DSTN: variants seen among roughly 807,000 people sequenced by gnomAD.
DSTN encodes destrin.
DSTN carries 10 observed loss-of-function variants against 16.8 expected under a neutral mutation model. The observed-to-expected ratio is 0.60, with a 90% CI of 0.37 to 1.01. The LOEUF is 1.01. Ranked by LOEUF, DSTN falls within the 50% of genes least tolerant of loss-of-function variation. DSTN has a pLI of 0.01. For synonymous variants in DSTN, 57 were observed against 58.9 expected (o/e 0.97, Z 0.14); for missense variants, 141 against 196.7 (o/e 0.72, Z 1.69).
intron 1 of DSTN, 42 bp from the exon 2 acceptor site, chr20:17,600,693 CAAT>C (rs1568739620): frequency 1.3e-6 from 2 of 1,499,778 alleles, no homozygotes; most frequent in Admixed American, 4.7e-5. Flanking sequence ...ATGTTTGGCA[CAAT>C]AAAAATTGTA....
intron 1 of DSTN, among the ~76,000 whole-genome samples, chr20:17,586,801 G>A (rs1392267409): frequency 2.0e-5 from 3 of 152,174 alleles, no homozygotes; most frequent in Non-Finnish European, 2.9e-5. Context: ...GGCCTTATGT[G>A]TGTTGTTTTA....
At chr20:17,577,672 CTT>C (rs2035294352) in intron 1 of DSTN, among the ~76,000 whole-genome samples, 1 of 151,918 alleles carries the variant, frequency 6.6e-6, no homozygotes, top group African/African-American at 2.4e-5. Flanking sequence ...ATACTTTTAA[CTT>C]TTCTAGTAAT....
chr20:17,601,144 G>A, intron 2 of DSTN, 99 bp downstream of exon 2: 1 of 1,380,448 alleles, frequency 7.2e-7, no homozygotes, highest in South Asian at 1.6e-5. Flanking sequence ...CAAACTATTT[G>A]CAGTTGTTGT....
intron 1 of DSTN, among the ~76,000 whole-genome samples, chr20:17,588,770 C>T (rs571138758): frequency 5.3e-5 from 8 of 152,050 alleles, no homozygotes; most frequent in Admixed American, 2.0e-4. Context: ...GGCAACAGAG[C>T]GAGACTCTGT....
intron 1 of DSTN, among the ~76,000 whole-genome samples, chr20:17,583,256 G>A (rs565120569): frequency 2.0e-5 from 3 of 152,316 alleles, no homozygotes; most frequent in South Asian, 2.1e-4. Flanking sequence ...GTAAAATGGC[G>A]CAGTAATTTT....
intron 1 of DSTN, among the ~76,000 whole-genome samples, chr20:17,574,870 GTTTTTTTTTTT>G (rs533880691): frequency 1.2e-5 from 1 of 81,158 alleles, no homozygotes; most frequent in Non-Finnish European, 2.2e-5. Context: ...CTTTTCTTTT[GTTTTTTTTTTT>G]TTTTTTTTTT....
intron 1 of DSTN, among the ~76,000 whole-genome samples, chr20:17,571,234 T>G (rs924882592): frequency 2.6e-5 from 4 of 152,268 alleles, no homozygotes; most frequent in African/African-American, 9.6e-5. Context: ...GGTCAGTGAT[T>G]TGCAGGCGTA....
intron 1 of DSTN, among the ~76,000 whole-genome samples, chr20:17,575,049 A>G (rs1390433207): frequency 6.6e-6 from 1 of 151,716 alleles, no homozygotes; most frequent in Non-Finnish European, 1.5e-5. Context: ...TGTAGAAATG[A>G]GATTTTGCTA....
chr20:17,607,253 T>G lies in DSTN; in HGVS notation c.*107T>G. On this transcript the variant is annotated 3_prime_UTR_variant, in exon 4 of 4. Coordinates refer to ENST00000246069, the MANE Select transcript of DSTN (RefSeq NM_006870.4). ...AGGGTCTCACTGAGGGGGAGCTGTC[T>G]TGTCATCTTTTAGAGTAAACTATTC... The G allele has an allele frequency of 1.1e-6, 1 of 910,926 alleles. No homozygotes were observed. The highest frequency in any genetic ancestry group is 1.6e-6 in the Non-Finnish European group (1 of 615,872). The allele number at this position is 910,926 out of a possible 1,614,324, so 56.4% of individuals were successfully genotyped here. A position where few individuals can be genotyped will look rare whatever the true frequency, so the allele number is the denominator to read the frequency against.
At chr20:17,602,223 A>G (rs1369261970) in intron 2 of DSTN, among the ~76,000 whole-genome samples, 2 of 152,244 alleles carry the variant, frequency 1.3e-5, no homozygotes, top group African/African-American at 4.8e-5. Context: ...CTTAGAGTCC[A>G]TTGAAGCTGG....
At position 17,583,735 on chromosome 20, in the gene DSTN, C is replaced by CTTTTTTTTTTTTTTTTTT. The variant is rs71192397; in HGVS notation, c.3+13530_3+13547dup. On this transcript the variant is annotated intron_variant, in intron 1 of 3. Coordinates refer to ENST00000246069, the MANE Select transcript of DSTN (RefSeq NM_006870.4). ...ATGACTGCTAATGGGTTTGGAGTTT[C>CTTTTTTTTTTTTTTTTTT]TTTTTTTTTTTTTTTTTTTTTTTGA... 8.6e-4 allele frequency among the ~76,000 whole-genome samples: 62 copies of CTTTTTTTTTTTTTTTTTT among 72,492 alleles called. 17 individuals carry two copies. Among genetic ancestry groups the CTTTTTTTTTTTTTTTTTT allele is most frequent in the East Asian group, 2.9e-3 (6 of 2,058 alleles). The allele number at this position is 72,492 out of a possible 152,430, so 47.6% of individuals were successfully genotyped here.
At chr20:17,591,273 A>G (rs1402871477) in intron 1 of DSTN, among the ~76,000 whole-genome samples, 1 of 152,136 alleles carries the variant, frequency 6.6e-6, no homozygotes, top group Non-Finnish European at 1.5e-5. Flanking sequence ...TGTGATAACA[A>G]ATCATCCAAA....
chr20:17,571,965 A>G (rs2035212150), intron 1 of DSTN, among the ~76,000 whole-genome samples: 1 of 152,204 alleles, frequency 6.6e-6, no homozygotes, highest in Non-Finnish European at 1.5e-5. Context: ...TTCAGATTAT[A>G]GACCCCCCAT....
intron 1 of DSTN, among the ~76,000 whole-genome samples, chr20:17,586,565 G>C (rs1376606564): frequency 6.6e-6 from 1 of 152,208 alleles, no homozygotes; most frequent in Admixed American, 6.5e-5. Context: ...AAGAAGAGAT[G>C]CACATTAAAT....
chr20:17,606,925 T>C, intron 3 of DSTN, 112 bp from the exon 4 acceptor site: 1 of 921,388 alleles, frequency 1.1e-6, no homozygotes, highest in South Asian at 1.6e-5. Flanking sequence ...CGTGTTTGTA[T>C]ATACCCCAGT....
intron 1 of DSTN, among the ~76,000 whole-genome samples, chr20:17,571,200 T>G (rs1439514216): frequency 1.3e-5 from 2 of 152,254 alleles, no homozygotes; most frequent in Admixed American, 1.3e-4. Flanking sequence ...TTTTCGTTAG[T>G]GTGCACACAC....
chr20:17,573,925 T>C (rs1590240), intron 1 of DSTN, among the ~76,000 whole-genome samples: 151,482 of 151,648 alleles, frequency 1, 75,658 homozygotes, highest in Non-Finnish European at 1. Context: ...ATCAGCTGGA[T>C]ACAGTGGCCT....
chr20:17,590,879 G>A (rs1322366648), intron 1 of DSTN, among the ~76,000 whole-genome samples: 1 of 152,222 alleles, frequency 6.6e-6, no homozygotes, highest in Non-Finnish European at 1.5e-5. Context: ...AGCTGAGGCA[G>A]GAGGATCACT....
rs185909250 is a variant in DSTN at position 17,603,593 on chromosome 20, G to T, written c.312-962G>T. Among the ~76,000 whole-genome samples, 49 of 152,352 alleles carry T rather than the reference G, an allele frequency of 3.2e-4. 1 individual carries two copies. The highest frequency in any genetic ancestry group is 1.1e-3 in the African/African-American group (47 of 41,580). On this transcript the variant is annotated intron_variant, in intron 2 of 3. Coordinates refer to ENST00000246069, the MANE Select transcript of DSTN (RefSeq NM_006870.4). Reference sequence around the variant, plus strand: ...GGAAAGAAGGACCTCCGTGCAAGCAGTCTGAGTGGGAGGGTTTCTGTCCGT... The same window carrying T: ...GGAAAGAAGGACCTCCGTGCAAGCATTCTGAGTGGGAGGGTTTCTGTCCGT...
Sources: allele counts gnomAD v4.1 joint callset (sites outside exome capture counted in the v4.1 genomes callset), GRCh38; gene constraint gnomAD v4.1.1; transcripts MANE v1.5; gene names NCBI Gene and HGNC (gene_info 2026-07-23, HGNC 2026-07-21).